The following SHLD1 variants were observed in gnomAD, a reference collection of about 807,000 sequenced individuals.
The protein encoded by SHLD1 is shieldin complex subunit 1.
SHLD1 carries 3 observed loss-of-function variants against 5.5 expected under a neutral mutation model. That is an observed-to-expected ratio of 0.54 (90% confidence interval 0.25 to 1.40). The LOEUF (loss-of-function observed/expected upper bound fraction) is 1.40. Ranked by LOEUF, SHLD1 falls within the 40% of genes most tolerant of loss-of-function variation. The pLI, the probability that SHLD1 is intolerant of heterozygous loss-of-function variation, is 0.15. For missense variants in SHLD1, 210 were observed against 244.4 expected (o/e 0.86, Z 0.94); for synonymous variants, 92 against 94.3 (o/e 0.98, Z 0.14).
At chr20:5,833,615 A>AAG (rs143899212) in intron 2 of SHLD1, among the ~76,000 whole-genome samples, 43 of 150,540 alleles carry the variant, frequency 2.9e-4, no homozygotes, top group Non-Finnish European at 5.8e-4. Context: ...TGCCTGTAGG[A>AAG]AGAGAGAGAG....
rs375996514 is a variant in SHLD1 at position 5,764,527 on chromosome 20, C to CAAA, written c.-4-8316_-4-8314dup. Among the ~76,000 whole-genome samples, 240 of 110,806 alleles carry CAAA rather than the reference C, an allele frequency of 2.2e-3. 1 individual carries two copies. Among genetic ancestry groups the CAAA allele is most frequent in the African/African-American group, 3.6e-3 (101 of 28,306 alleles). The allele number at this position is 110,806 out of a possible 152,430, so 72.7% of individuals were successfully genotyped here. On this transcript the variant is annotated intron_variant, in intron 1 of 2. Transcript: ENST00000303142. Reference sequence around the variant, plus strand: ...TGGGCAATATAGTGAGACCTTGTCTCAAAAAAAAAAAAAAAAAAAAATTTT... The same window carrying CAAA: ...TGGGCAATATAGTGAGACCTTGTCTCAAAAAAAAAAAAAAAAAAAAAAAATTTT...
chr20:5,812,901 G>T (rs1383419359), intron 2 of SHLD1, among the ~76,000 whole-genome samples: 1 of 151,868 alleles, frequency 6.6e-6, no homozygotes, highest in African/African-American at 2.4e-5. Flanking sequence ...TTGAGACGGG[G>T]TCTCACTCTG....
In SHLD1 at chr20:5,863,340, G is replaced by A. The variant is rs760341782; in HGVS notation, c.495G>A (p.Arg165=). Residue 165 remains arginine, a synonymous_variant, in exon 3 of 3, where the codon AGG becomes AGA. Transcript: ENST00000303142. ...GCTCCGTCTTACAGAGGCATTCCAG[G>A]GACACCCACTTCTACCCACTGGAGG... ...DGCSVLQRHS[R]DTHFYPLEEG... 9 of 1,614,166 alleles carry A rather than the reference G, an allele frequency of 5.6e-6. No individual in the cohort carries two copies. In the Admixed American group the frequency reaches 1.3e-4, roughly 24 times the overall value.
At chr20:5,789,622 C>T (rs1386336363) in intron 2 of SHLD1, among the ~76,000 whole-genome samples, 1 of 145,374 alleles carries the variant, frequency 6.9e-6, no homozygotes, top group African/African-American at 2.5e-5. Flanking sequence ...AAAAAAAAAA[C>T]TTTTGGAACT....
intron 2 of SHLD1, among the ~76,000 whole-genome samples, chr20:5,793,948 G>T (rs57343954): frequency 0.011 from 1,745 of 151,998 alleles, 28 homozygotes; most frequent in African/African-American, 0.04. Context: ...GACTTCAGGT[G>T]ATCTGCCCAC....
At chr20:5,784,384 G>A (rs941587294) in intron 2 of SHLD1, among the ~76,000 whole-genome samples, 1 of 151,874 alleles carries the variant, frequency 6.6e-6, no homozygotes, top group Non-Finnish European at 1.5e-5. Context: ...GCTAAATTAT[G>A]TGTCACATTA....
chr20:5,810,339 G>A (rs2087441576), intron 2 of SHLD1, among the ~76,000 whole-genome samples: 1 of 152,058 alleles, frequency 6.6e-6, no homozygotes, highest in South Asian at 2.1e-4. Flanking sequence ...GTGGTAGAGT[G>A]ATCTTAGCAT....
intron 2 of SHLD1, among the ~76,000 whole-genome samples, chr20:5,787,624 G>A (rs1367815641): frequency 1.3e-5 from 2 of 152,282 alleles, no homozygotes; most frequent in Non-Finnish European, 2.9e-5. Flanking sequence ...TGCCTGCTAC[G>A]CCTAGACCCT....
chr20:5,767,137 CTT>C (rs970387518), intron 1 of SHLD1, among the ~76,000 whole-genome samples: 3 of 145,536 alleles, frequency 2.1e-5, no homozygotes, highest in African/African-American at 8.4e-5. Flanking sequence ...CTTTTCTTTT[CTT>C]TTCTTTTCTT....
At position 5,763,529 on chromosome 20, in the gene SHLD1, T is replaced by A. The variant is rs547994856; in HGVS notation, c.-4-9333T>A. On this transcript the variant is annotated intron_variant, in intron 1 of 2. Transcript: ENST00000303142. ...ATCTTATCTTCTGTAAAGTGCCCAT[T>A]TACTGAGCATGAGACCAATGTGTAA... Among the ~76,000 whole-genome samples the A allele has an allele frequency of 1.5e-4, 23 of 152,242 alleles. 1 individual carries two copies. The Middle Eastern group carries it at 0.01, about 68-fold the overall frequency.
chr20:5,858,767 G>A (rs1324062029), intron 2 of SHLD1, among the ~76,000 whole-genome samples: 1 of 152,124 alleles, frequency 6.6e-6, no homozygotes, highest in Non-Finnish European at 1.5e-5. Context: ...CCCAGGAGGT[G>A]GAGGCTGCAG....
At chr20:5,810,583 T>C (rs1193565391) in intron 2 of SHLD1, among the ~76,000 whole-genome samples, 4 of 152,046 alleles carry the variant, frequency 2.6e-5, no homozygotes, top group African/African-American at 9.7e-5. Flanking sequence ...ATTCTTTCTA[T>C]TTCCCCTACC....
intron 2 of SHLD1, among the ~76,000 whole-genome samples, chr20:5,799,795 A>G (rs117469346): frequency 0.019 from 2,930 of 152,262 alleles, 27 homozygotes; most frequent in Non-Finnish European, 0.03. Context: ...CTCAAGATTC[A>G]TACCCTAGAA....
chr20:5,795,706 G>A (rs2087202416), intron 2 of SHLD1, among the ~76,000 whole-genome samples: 2 of 152,108 alleles, frequency 1.3e-5, no homozygotes, highest in South Asian at 4.2e-4. Flanking sequence ...TATTGGCCGG[G>A]TGTGGTGGCT....
At chr20:5,807,985 T>A (rs1052036537) in intron 2 of SHLD1, among the ~76,000 whole-genome samples, 1 of 152,100 alleles carries the variant, frequency 6.6e-6, no homozygotes, top group African/African-American at 2.4e-5. Flanking sequence ...CAAAAGAGTA[T>A]AAAATGAAAT....
intron 2 of SHLD1, 112 bp downstream of exon 2, chr20:5,773,155 G>A (rs778340029): frequency 8.1e-7 from 1 of 1,235,242 alleles, no homozygotes; most frequent in South Asian, 1.2e-5. Flanking sequence ...ATGCTTCATT[G>A]TCTTAGGCAG....
chr20:5,785,524 G>A (rs565211646), intron 2 of SHLD1, among the ~76,000 whole-genome samples: 3 of 152,266 alleles, frequency 2.0e-5, no homozygotes, highest in Admixed American at 6.5e-5. Context: ...GGCCAGGCAC[G>A]ATGTCTCACG....
At chr20:5,759,737 C>A (rs1805107585) in intron 1 of SHLD1, among the ~76,000 whole-genome samples, 3 of 152,106 alleles carry the variant, frequency 2.0e-5, no homozygotes, top group Admixed American at 2.0e-4. Flanking sequence ...GATGGGGTTT[C>A]ACCATGTTAC....
chr20:5,862,877 G>A (rs1600190076), intron 2 of SHLD1, 147 bp from the exon 3 acceptor site: 1 of 712,638 alleles, frequency 1.4e-6, no homozygotes, highest in East Asian at 2.7e-5. Context: ...GGTGAGAACA[G>A]ATTTTGAAAT....
Sources: allele counts gnomAD v4.1 joint callset (sites outside exome capture counted in the v4.1 genomes callset), GRCh38; gene constraint gnomAD v4.1.1; transcripts MANE v1.5; gene names NCBI Gene and HGNC (gene_info 2026-07-23, HGNC 2026-07-21).